Variants in RAD21 observed in about 807,000 individuals in gnomAD.
RAD21 encodes RAD21 cohesin complex component.
RAD21 carries 18 observed loss-of-function variants against 71.5 expected under a neutral mutation model. The ratio of observed to expected loss-of-function variants is 0.25; its 90% confidence interval spans 0.17 to 0.37. RAD21 has a LOEUF of 0.37. RAD21 is among the 10% of genes least tolerant of loss of function. RAD21 has a pLI of 1.00. For synonymous variants in RAD21, 248 were observed against 254.0 expected, an observed-to-expected ratio of 0.98 and a Z score of 0.22; for missense variants, 493 against 769.1, an observed-to-expected ratio of 0.64 and a Z score of 4.25.
In RAD21 at chr8:116,846,543, G is replaced by A. The variant is rs1001596778; in HGVS notation, c.*957C>T. ...TGTGCAGCACTGGAAAAGGAGATCAGTACTAAAACTTACAATAAATATCAG... is the reference window on the plus strand; with the variant it reads ...TGTGCAGCACTGGAAAAGGAGATCAATACTAAAACTTACAATAAATATCAG... On this transcript the variant is annotated 3_prime_UTR_variant, in exon 14 of 14. Transcript: ENST00000297338. The A allele has an allele frequency of 2.1e-4, 47 of 228,146 alleles. No homozygotes were observed. The highest frequency in any genetic ancestry group is 9.6e-4 in the African/African-American group (43 of 45,020). The allele number at this position is 228,146 out of a possible 1,614,324, so 14.1% of individuals were successfully genotyped here.
intron 5 of RAD21, 131 bp downstream of exon 5, chr8:116,858,221 C>CT (rs1299727680): frequency 1.8e-5 from 12 of 679,936 alleles, no homozygotes; most frequent in Non-Finnish European, 2.2e-5. Context: ...AAGCCAAATT[C>CT]TTTTCTTGAT....
Position 116,857,258 on chromosome 8 carries a change from C to A in RAD21, c.688+9G>T. 7 of 1,595,688 alleles carry A rather than the reference C, an allele frequency of 4.4e-6. No individual in the cohort carries two copies. Among genetic ancestry groups the A allele is most frequent in the South Asian group, 1.1e-5 (1 of 90,442 alleles). On this transcript the variant is annotated intron_variant, in intron 6 of 13. Coordinates refer to ENST00000297338, the MANE Select transcript of RAD21 (RefSeq NM_006265.3). ...TGTTTATGCTGGAATAACCATCATTCCCACATACCTAATATTCCACCATCA... is the reference window on the plus strand; with the variant it reads ...TGTTTATGCTGGAATAACCATCATTACCACATACCTAATATTCCACCATCA...
chr8:116,857,013 C>CA (rs1404796375), intron 6 of RAD21, among the ~76,000 whole-genome samples: 1 of 151,932 alleles, frequency 6.6e-6, no homozygotes, highest in Admixed American at 6.6e-5. Context: ...TTTTACTTAA[C>CA]ACAGCTATCA....
intron 12 of RAD21, chr8:116,849,342 T>A (rs1812307177): frequency 3.4e-6 from 1 of 291,156 alleles, no homozygotes; most frequent in African/African-American, 2.2e-5. Flanking sequence ...TCATGGAGGT[T>A]TTGGTTACTG....
intron 2 of RAD21, among the ~76,000 whole-genome samples, chr8:116,865,924 G>A (rs1248841996): frequency 2.0e-5 from 3 of 152,018 alleles, no homozygotes; most frequent in Non-Finnish European, 4.4e-5. Context: ...TATTAAAATC[G>A]ATAAACTTAT....
In RAD21 at chr8:116,850,630, A is replaced by T; in HGVS notation, c.1608T>A (p.Asp536Glu). The T allele has an allele frequency of 1.2e-6, 2 of 1,609,512 alleles. No homozygotes were observed. The highest frequency in any genetic ancestry group is 1.1e-5 in the South Asian group (1 of 90,904). ...EKEKEKEKED[D>E]EEEEDEDASG... ...TTAATTAGTTTACCTCTTCCTCTTC[A>T]TCATCTTCTTTTTCCTTCTCTTTCT... Residue 536 changes from aspartate (D) to glutamate (E), a missense_variant, in exon 12 of 14, where the codon GAT becomes GAA. Asp to Glu is a conservative substitution (Grantham distance 45). Coordinates refer to ENST00000297338, the MANE Select transcript of RAD21 (RefSeq NM_006265.3).
intron 8 of RAD21, 22 bp from the exon 9 acceptor site, chr8:116,854,490 A>C (rs771370772): frequency 6.3e-7 from 1 of 1,581,066 alleles, no homozygotes; most frequent in Non-Finnish European, 8.7e-7. Context: ...ATAAAAAATA[A>C]GATCATTTTC....
At chr8:116,873,371 C>T (rs1812878470) in intron 1 of RAD21, among the ~76,000 whole-genome samples, 1 of 152,298 alleles carries the variant, frequency 6.6e-6, no homozygotes, top group East Asian at 1.9e-4. Flanking sequence ...CTCATCAATG[C>T]CTTTCCAAAA....
In RAD21 at chr8:116,846,943, C is replaced by G. The variant is rs1029652285; in HGVS notation, c.*557G>C. ...AGTCATAACACAATTTCGCGTACACCTCTGCTCATTATGGAATTACACTTA... is the reference window on the plus strand; with the variant it reads ...AGTCATAACACAATTTCGCGTACACGTCTGCTCATTATGGAATTACACTTA... On this transcript the variant is annotated 3_prime_UTR_variant, in exon 14 of 14. Transcript: ENST00000297338. The G allele has an allele frequency of 1.9e-4, 40 of 215,784 alleles. No homozygotes were observed. Among genetic ancestry groups the G allele is most frequent in the African/African-American group, 8.1e-4 (36 of 44,352 alleles). 13.4% of individuals were successfully genotyped at this position (215,784 alleles called of 1,614,324 possible). A position where few individuals can be genotyped will look rare whatever the true frequency, so the allele number is the denominator to read the frequency against.
intron 3 of RAD21, 60 bp from the exon 4 acceptor site, chr8:116,862,000 G>T: frequency 7.6e-7 from 1 of 1,321,320 alleles, no homozygotes; most frequent in Non-Finnish European, 1.1e-6. Flanking sequence ...AGGGATCAGA[G>T]GGAGATAAGT....
intron 2 of RAD21, among the ~76,000 whole-genome samples, chr8:116,865,048 T>C (rs1438893462): frequency 6.6e-6 from 1 of 152,072 alleles, no homozygotes; most frequent in Non-Finnish European, 1.5e-5. Flanking sequence ...AAAGCAAACA[T>C]TAGAAATTTC....
In RAD21 at chr8:116,856,667, C is replaced by T. The variant is rs2130467911; in HGVS notation, c.793G>A (p.Asp265Asn). 2 of 1,596,286 alleles carry T rather than the reference C, an allele frequency of 1.3e-6. No individual in the cohort carries two copies. The highest frequency in any genetic ancestry group is 1.7e-6 in the Non-Finnish European group (2 of 1,171,306). ...TTACTTGATACATTATCATCCTCATCCATATCGTCATGTGCAGGCTGCTCT... is the reference window on the plus strand; with the variant it reads ...TTACTTGATACATTATCATCCTCATTCATATCGTCATGTGCAGGCTGCTCT... ...LPEQPAHDDM[D>N]EDDNVSMGGP... Residue 265 changes from aspartate (D) to asparagine (N), a missense_variant, in exon 7 of 14, where the codon GAT (aspartate) becomes AAT (asparagine). Physicochemically the swap from Asp to Asn is conservative, Grantham distance 23. Coordinates refer to ENST00000297338, the MANE Select transcript of RAD21 (RefSeq NM_006265.3).
chr8:116,868,809 A>ATT (rs35540220), intron 1 of RAD21, among the ~76,000 whole-genome samples: 4 of 144,770 alleles, frequency 2.8e-5, no homozygotes, highest in African/African-American at 2.5e-5. Context: ...AGTTCAACTA[A>ATT]TTTTTTTTTT....
Position 116,856,743 on chromosome 8 carries a change from G to T in RAD21, c.717C>A (p.Gly239=). 1.3e-6 allele frequency: 2 copies of T among 1,548,496 alleles called. No homozygotes were observed. The highest frequency in any genetic ancestry group is 1.7e-6 in the Non-Finnish European group (2 of 1,146,158). ...LDDKLISNND[G]GIFDDPPALS... ...GGGCAGGGGGATCATCAAAGATACC[G>T]CCATCATTATTACTAATAAGTTTGT... The change falls in exon 7 of 14, where the codon GGC becomes GGA. Residue 239 remains glycine, a synonymous_variant. Coordinates refer to ENST00000297338, the MANE Select transcript of RAD21 (RefSeq NM_006265.3).
intron 10 of RAD21, 103 bp from the exon 11 acceptor site, chr8:116,852,199 T>C: frequency 1.8e-6 from 2 of 1,087,726 alleles, no homozygotes; most frequent in Non-Finnish European, 2.5e-6. Context: ...TACATAATGC[T>C]TTCTTTAATG....
chr8:116,872,372 G>C (rs1163333761), intron 1 of RAD21, among the ~76,000 whole-genome samples: 3 of 152,076 alleles, frequency 2.0e-5, no homozygotes, highest in Non-Finnish European at 4.4e-5. Context: ...AAAAAAGTTG[G>C]AGTTTTAAAA....
intron 12 of RAD21, chr8:116,849,261 A>G (rs1812305114): frequency 2.4e-6 from 1 of 420,178 alleles, no homozygotes; most frequent in South Asian, 7.7e-5. Context: ...CATTTGGCTG[A>G]AAGTATGCTT....
At position 116,854,816 on chromosome 8, in the gene RAD21, T is replaced by C. The variant is rs532389555; in HGVS notation, c.938-348A>G. Reference sequence around the variant, plus strand: ...TTCAGAGTTGGGCTCATTTTCTCATTTGAAACAGGGCCCATCACTCAAACT... The same window carrying C: ...TTCAGAGTTGGGCTCATTTTCTCATCTGAAACAGGGCCCATCACTCAAACT... On this transcript the variant is annotated intron_variant, in intron 8 of 13. Coordinates refer to ENST00000297338, the MANE Select transcript of RAD21 (RefSeq NM_006265.3). 5.3e-5 allele frequency among the ~76,000 whole-genome samples: 8 copies of C among 152,326 alleles called. No individual in the cohort carries two copies. In the South Asian group the frequency reaches 1.7e-3, roughly 32 times the overall value.
intron 1 of RAD21, among the ~76,000 whole-genome samples, chr8:116,873,287 T>C (rs1052222675): frequency 1.3e-5 from 2 of 152,256 alleles, no homozygotes; most frequent in African/African-American, 4.8e-5. Flanking sequence ...GCACTATGTC[T>C]ATTAGTTATG....
Sources: gnomAD v4.1 joint callset for allele counts (sites outside exome capture counted in the v4.1 genomes callset) on GRCh38, gnomAD v4.1.1 for gene constraint, MANE v1.5 for transcripts, NCBI Gene and HGNC (gene_info 2026-07-23, HGNC 2026-07-21) for gene names.